The following OGFR variants were observed in gnomAD, a reference collection of about 807,000 sequenced individuals.
The protein encoded by OGFR is opioid growth factor receptor.
Under a neutral mutation model 33.6 loss-of-function variants are expected in OGFR, and 18 were observed. The ratio of observed to expected loss-of-function variants is 0.54; its 90% CI spans 0.37 to 0.80. The LOEUF is 0.80. Ranked by LOEUF, OGFR falls within the 30% of genes least tolerant of loss-of-function variation. The probability of loss-of-function intolerance (pLI) is 0.00; values close to 1 mark genes in which losing one functional copy is unlikely to be tolerated. For synonymous variants in OGFR, 370 were observed against 400.7 expected (o/e 0.92, Z 0.91); for missense variants, 877 against 955.8 (o/e 0.92, Z 1.09).
chr20:62,810,598 A>T (rs1990703379), intron 5 of OGFR, 33 bp downstream of exon 5: 1 of 1,605,950 alleles, frequency 6.2e-7, no homozygotes, highest in Non-Finnish European at 8.5e-7. Flanking sequence ...CTGGAGGGGA[A>T]GATGGGGAGG....
rs1258412818 is a variant in OGFR, at chr20:62,808,302, A to G, written c.296A>G (p.Asn99Ser). The G allele has an allele frequency of 1.9e-6, 3 of 1,613,286 alleles. No homozygotes were observed. The highest frequency in any genetic ancestry group is 1.1e-5 in the South Asian group (1 of 91,086). ...GDTPNLSFYR[N>S]EIRFLPNGCF... is the part of the protein sequence containing the mutation. ...ACGCCAAACCTGAGTTTCTACAGAA[A>G]TGAGATCCGCTTCCTGCCCAACGGT... The change falls in exon 3 of 7, where the codon AAT becomes AGT. Residue 99 changes from asparagine (N) to serine (S), a missense_variant. This residue lies in a region of OGFR where 760 missense variants were observed against 736.0 expected (regional missense o/e 1.03). Coordinates refer to ENST00000290291, the MANE Select transcript of OGFR (RefSeq NM_007346.4).
At position 62,807,234 on chromosome 20, in the gene OGFR, C is replaced by T. The variant is rs1265627859; in HGVS notation, c.172-303C>T. The T allele has an allele frequency of 8.7e-6, 4 of 457,636 alleles. No homozygotes were observed. In the Admixed American group the frequency reaches 1.1e-4, roughly 13 times the overall value. 28.3% of individuals were successfully genotyped at this position (457,636 alleles called of 1,614,324 possible). ...GGGGAGGTGCATGTCAGCCAGGGGC[C>T]ACCCTAAGGTGGAAGCCAGGAGTCC... On this transcript the variant is annotated intron_variant, in intron 1 of 6. Coordinates refer to ENST00000290291, the MANE Select transcript of OGFR (RefSeq NM_007346.4).
chr20:62,808,650 T>C (rs566919019), intron 3 of OGFR, among the ~76,000 whole-genome samples: 1 of 152,272 alleles, frequency 6.6e-6, no homozygotes, highest in Non-Finnish European at 1.5e-5. Flanking sequence ...GAGCTAAGGA[T>C]AGCTTTTATA....
In OGFR at chr20:62,812,882, A is replaced by T. The variant is rs538785828; in HGVS notation, c.1267A>T (p.Ser423Cys). The change falls in exon 7 of 7, where the codon AGC becomes TGC. Residue 423 changes from serine (S) to cysteine (C), a missense_variant. Transcript: ENST00000290291. ...GGAGGGGTGTGCCCTCAGCCAGGGC[A>T]GCCTCAGGACGGGGACCCAGGAAGT... Reference protein sequence around the residue: ...NLEGCALSQGSLRTGTQEVGG... With the variant: ...NLEGCALSQGCLRTGTQEVGG... 1 of 1,612,622 alleles carries T rather than the reference A, an allele frequency of 6.2e-7. No homozygotes were observed. Among genetic ancestry groups the T allele is most frequent in the East Asian group, 2.2e-5 (1 of 44,858 alleles).
chr20:62,805,392 C>CCTGGGGCTGGGGCTGGGGCTGGGG (rs760689585), intron 1 of OGFR: 15 of 154,474 alleles, frequency 9.7e-5, no homozygotes, highest in African/African-American at 3.6e-4. Flanking sequence ...GGCCCCGCGG[C>CCTGGGGCTGGGGCTGGGGCTGGGG]CTGGGGCTGG....
chr20:62,807,396 A>T, intron 1 of OGFR, 141 bp from the exon 2 acceptor site: 1 of 707,802 alleles, frequency 1.4e-6, no homozygotes, highest in Non-Finnish European at 2.5e-6. Context: ...AGGGCAGGAG[A>T]ATGAGAGGGA....
intron 3 of OGFR, among the ~76,000 whole-genome samples, chr20:62,809,363 G>T (rs1312346204): frequency 2.0e-5 from 3 of 152,252 alleles, no homozygotes; most frequent in African/African-American, 7.2e-5. Flanking sequence ...AGCAACAAGG[G>T]TCCAGGTCAC....
chr20:62,811,429 G>A (rs750595929), intron 5 of OGFR, 33 bp from the exon 6 acceptor site: 1 of 1,606,010 alleles, frequency 6.2e-7, no homozygotes, highest in East Asian at 2.2e-5. Flanking sequence ...CTTCAGGGAT[G>A]GTGCCTGAGC....
At chr20:62,806,137 G>C (rs1990586812) in intron 1 of OGFR, 1 of 152,314 alleles carries the variant, frequency 6.6e-6, no homozygotes, top group Admixed American at 6.5e-5. Flanking sequence ...CATCCAGTCA[G>C]GACCCAGCCT....
At chr20:62,808,115 G>A (rs1466922527) in intron 2 of OGFR, 132 bp from the exon 3 acceptor site, 4 of 772,774 alleles carry the variant, frequency 5.2e-6, no homozygotes, top group Non-Finnish European at 9.4e-6. Context: ...TGCAGAGTGA[G>A]GAGCCAGGCG....
intron 2 of OGFR, 111 bp downstream of exon 2, chr20:62,807,716 C>T (rs1990629079): frequency 7.1e-6 from 8 of 1,130,718 alleles, no homozygotes; most frequent in Admixed American, 2.0e-5. Context: ...GTGCCAGGGC[C>T]ACAGTTCTGG....
intron 5 of OGFR, 108 bp downstream of exon 5, chr20:62,810,673 CAG>C (rs757417580): frequency 9.2e-5 from 94 of 1,020,996 alleles, no homozygotes; most frequent in Non-Finnish European, 1.3e-4. Flanking sequence ...GGTGCCCCCT[CAG>C]GGGTCCCTTG....
intron 4 of OGFR, 33 bp downstream of exon 4, chr20:62,809,696 G>T: frequency 1.4e-6 from 2 of 1,473,638 alleles, no homozygotes; most frequent in South Asian, 2.3e-5. Context: ...ATGGGGGGTT[G>T]GCGAGGCCAC....
chr20:62,805,442 T>C (rs1990568605), intron 1 of OGFR: 1 of 153,220 alleles, frequency 6.5e-6, no homozygotes, highest in Non-Finnish European at 1.5e-5. Context: ...GGGCCGGGTC[T>C]GGCCTGGGAG....
In OGFR at chr20:62,813,732, C is replaced by A; in HGVS notation, c.*83C>A. The A allele has an allele frequency of 6.6e-7, 1 of 1,511,294 alleles. No homozygotes were observed. The highest frequency in any genetic ancestry group is 9.2e-7 in the Non-Finnish European group (1 of 1,092,346). The allele number at this position is 1,511,294 out of a possible 1,614,324, so 93.6% of individuals were successfully genotyped here. A position where few individuals can be genotyped will look rare whatever the true frequency, so the allele number is the denominator to read the frequency against. ...CTCCGGAGCTGCTGCGGGCTCCCCT[C>A]AGGCTCTGCTTCGTGACCCGTGACC... On this transcript the variant is annotated 3_prime_UTR_variant, in exon 7 of 7. Coordinates refer to ENST00000290291, the MANE Select transcript of OGFR (RefSeq NM_007346.4).
chr20:62,812,439 G>A lies in OGFR; in HGVS notation c.824G>A (p.Trp275Ter). 1 of 1,582,236 alleles carries A rather than the reference G, an allele frequency of 6.3e-7. No individual in the cohort carries two copies. The highest frequency in any genetic ancestry group is 8.6e-7 in the Non-Finnish European group (1 of 1,164,762). Residue 275 changes from tryptophan (W) to a stop codon, truncating the protein, a stop_gained, in exon 7 of 7, where the codon TGG becomes TAG. Transcript: ENST00000290291. LOFTEE classifies it low-confidence loss of function (END_TRUNC). ...HQRRQLVHFAWEHFRPRCKFV... is the reference protein window; with the variant it reads ...HQRRQLVHFA ...CGCCGCCAGCTGGTGCACTTCGCCT[G>A]GGAGCACTTCCGGCCCCGCTGCAAG...
In OGFR at chr20:62,812,729, G is replaced by C. The variant is rs1407874367; in HGVS notation, c.1114G>C (p.Asp372His). Residue 372 changes from aspartate (D) to histidine (H), a missense_variant, in exon 7 of 7, where the codon GAT (aspartate) becomes CAT (histidine). Coordinates refer to ENST00000290291, the MANE Select transcript of OGFR (RefSeq NM_007346.4). ...QGDEAGGHGE[D>H]RPEPLSPKES... ...GGATGAGGCAGGGGGCCACGGGGAA[G>C]ATAGGCCGGAGCCCTTAAGCCCCAA... 2.5e-6 allele frequency: 4 copies of C among 1,600,204 alleles called. No homozygotes were observed. Among genetic ancestry groups the C allele is most frequent in the African/African-American group, 1.3e-5 (1 of 74,642 alleles).
chr20:62,813,670 G>T lies in OGFR; in HGVS notation c.*21G>T, dbSNP rs557376291. On this transcript the variant is annotated 3_prime_UTR_variant, in exon 7 of 7. Transcript: ENST00000290291. ...CTTAAGGAAAGGAGTGCCCGTCGGC[G>T]TCTTGGTCCTCCTGTCCCTGCTGCA... is the stretch of plus-strand genomic sequence containing the variant. 2 of 1,609,720 alleles carry T rather than the reference G, an allele frequency of 1.2e-6. No homozygotes were observed. The highest frequency in any genetic ancestry group is 1.7e-5 in the Admixed American group (1 of 59,870).
At chr20:62,812,136 T>C in intron 6 of OGFR, 94 bp from the exon 7 acceptor site, 2 of 1,132,900 alleles carry the variant, frequency 1.8e-6, no homozygotes, top group Non-Finnish European at 2.5e-6. Context: ...TGGGGAGACC[T>C]CGTGGAGCCG....
Sources: gnomAD v4.1 joint callset for allele counts (sites outside exome capture counted in the v4.1 genomes callset) on GRCh38, gnomAD v4.1.1 for gene constraint, gnomAD v4.1.1 regional missense constraint, MANE v1.5 for transcripts, NCBI Gene and HGNC (gene_info 2026-07-23, HGNC 2026-07-21) for gene names.